PRKAG2: variants seen among roughly 807,000 people sequenced by gnomAD.
PRKAG2 encodes the protein 5'-AMP-activated protein kinase subunit gamma-2.
In PRKAG2, 26 loss-of-function variants were observed where a neutral mutation model predicts 69.6. That is an observed-to-expected ratio of 0.37 (90% CI 0.27 to 0.52). The LOEUF (loss-of-function observed/expected upper bound fraction) is 0.52. PRKAG2 is among the 20% of genes least tolerant of loss of function. The pLI, the probability that PRKAG2 is intolerant of heterozygous loss-of-function variation, is 0.90. For synonymous variants in PRKAG2, 293 were observed against 285.0 expected (o/e 1.03, Z -0.28); for missense variants, 557 against 740.0 (o/e 0.75, Z 2.87).
At chr7:151,733,573 G>A (rs796111116) in intron 3 of PRKAG2, among the ~76,000 whole-genome samples, 27 of 152,264 alleles carry the variant, frequency 1.8e-4, no homozygotes, top group African/African-American at 6.5e-4. Context: ...TTCTACAGTA[G>A]ATAAGTGTTT....
chr7:151,661,552 T>C (rs1289592277), intron 4 of PRKAG2, among the ~76,000 whole-genome samples: 2 of 152,182 alleles, frequency 1.3e-5, no homozygotes, highest in Non-Finnish European at 2.9e-5. Flanking sequence ...GAACCACCTG[T>C]TTCAATTTCC....
At chr7:151,656,045 A>G (rs1330379609) in intron 4 of PRKAG2, among the ~76,000 whole-genome samples, 1 of 152,236 alleles carries the variant, frequency 6.6e-6, no homozygotes, top group Non-Finnish European at 1.5e-5. Context: ...TTATCAGTAA[A>G]CAAAAACTCA....
rs982598905 is a variant in PRKAG2, at chr7:151,675,637, G to A, written c.467C>T (p.Thr156Ile). Residue 156 changes from threonine to isoleucine, a missense_variant and splice_region_variant, in exon 4 of 16, where the codon ACC becomes ATC. Coordinates refer to ENST00000287878, the MANE Select transcript of PRKAG2 (RefSeq NM_016203.4). ...GIRFFSRSRKTSGLSSSPSTP... is the reference protein window; with the variant it reads ...GIRFFSRSRKISGLSSSPSTP... Reference sequence around the variant, plus strand: ...TGACGGAGAGGAGGAGAGGCCGGAGGCTGCAGAAGAAACACCAAGGACGGT... The same window carrying A: ...TGACGGAGAGGAGGAGAGGCCGGAGACTGCAGAAGAAACACCAAGGACGGT... The A allele has an allele frequency of 6.2e-7, 1 of 1,612,330 alleles. No homozygotes were observed. Among genetic ancestry groups the A allele is most frequent in the African/African-American group, 1.3e-5 (1 of 74,978 alleles).
At chr7:151,649,682 C>T (rs943324086) in intron 4 of PRKAG2, among the ~76,000 whole-genome samples, 2 of 152,110 alleles carry the variant, frequency 1.3e-5, no homozygotes, top group African/African-American at 4.8e-5. Context: ...GCTGGTTGTT[C>T]AAAAGCATGC....
At chr7:151,640,478 T>TA (rs1313146784) in intron 4 of PRKAG2, among the ~76,000 whole-genome samples, 1 of 152,142 alleles carries the variant, frequency 6.6e-6, no homozygotes, top group Admixed American at 6.5e-5. Context: ...ACCTAAACCT[T>TA]AAGGCATTGT....
intron 1 of PRKAG2, among the ~76,000 whole-genome samples, chr7:151,796,688 G>A (rs895342345): frequency 3.3e-5 from 5 of 152,100 alleles, no homozygotes; most frequent in African/African-American, 1.2e-4. Flanking sequence ...CTCCTCCCAG[G>A]GCTGGATTCC....
At position 151,563,282 on chromosome 7, in the gene PRKAG2, G is replaced by A. The variant is rs539972999; in HGVS notation, c.1584+796C>T. ...TTGTGAAGGAATTTTCTTTTTAGGC[G>A]GAGTCTTTTATTTAGGGTGTTACAC... is the stretch of plus-strand genomic sequence containing the variant. On this transcript the variant is annotated intron_variant, in intron 14 of 15. Transcript: ENST00000287878. Among the ~76,000 whole-genome samples, 129 of 152,132 alleles carry A rather than the reference G, an allele frequency of 8.5e-4. 4 individuals carry two copies. Among genetic ancestry groups the A allele is most frequent in the Admixed American group, 7.5e-3 (115 of 15,268 alleles).
At chr7:151,685,312 A>C (rs957495676) in intron 3 of PRKAG2, among the ~76,000 whole-genome samples, 4 of 152,094 alleles carry the variant, frequency 2.6e-5, no homozygotes, top group Non-Finnish European at 5.9e-5. Context: ...CACCCCACCA[A>C]CACCCCTATC....
intron 1 of PRKAG2, among the ~76,000 whole-genome samples, chr7:151,841,420 A>G (rs897577363): frequency 2.7e-5 from 4 of 147,644 alleles, no homozygotes; most frequent in African/African-American, 9.9e-5. Flanking sequence ...TAGTGATGGT[A>G]GGTAGGGATG....
intron 4 of PRKAG2, among the ~76,000 whole-genome samples, chr7:151,655,209 G>A (rs1360946931): frequency 4.6e-5 from 7 of 152,268 alleles, no homozygotes; most frequent in South Asian, 4.1e-4. Flanking sequence ...GAAAGGGTAC[G>A]CCATCTCTGG....
At chr7:151,813,974 C>T (rs548869757) in intron 1 of PRKAG2, among the ~76,000 whole-genome samples, 22 of 152,244 alleles carry the variant, frequency 1.4e-4, no homozygotes, top group African/African-American at 4.6e-4. Context: ...AAGGGCAAGG[C>T]CAGGCAAAGA....
At chr7:151,783,187 G>T (rs552096384) in intron 2 of PRKAG2, among the ~76,000 whole-genome samples, 69 of 152,356 alleles carry the variant, frequency 4.5e-4, no homozygotes, top group Non-Finnish European at 7.9e-4. Flanking sequence ...TCCCCGCGCG[G>T]CCTCTCCAGC....
chr7:151,726,072 G>T (rs575116467), intron 3 of PRKAG2, among the ~76,000 whole-genome samples: 2 of 152,046 alleles, frequency 1.3e-5, no homozygotes, highest in African/African-American at 2.4e-5. Flanking sequence ...CTCAGAGATG[G>T]TGCTCCCTCT....
intron 5 of PRKAG2, among the ~76,000 whole-genome samples, chr7:151,612,857 A>G (rs1353212811): frequency 6.6e-6 from 1 of 152,224 alleles, no homozygotes. Flanking sequence ...GGAAGGAGAG[A>G]GTTTCAGGTA....
chr7:151,748,173 G>A (rs761378907), intron 3 of PRKAG2, among the ~76,000 whole-genome samples: 12 of 152,018 alleles, frequency 7.9e-5, no homozygotes, highest in Non-Finnish European at 1.5e-4. Context: ...CGCCCACCTC[G>A]GCCTCCCTAA....
intron 3 of PRKAG2, among the ~76,000 whole-genome samples, chr7:151,762,601 CTG>C (rs1398559893): frequency 2.0e-5 from 3 of 152,198 alleles, no homozygotes; most frequent in African/African-American, 7.2e-5. Context: ...CAAGCATCCT[CTG>C]TGTTTGGGGC....
At chr7:151,715,281 G>C (rs1290541303) in intron 3 of PRKAG2, among the ~76,000 whole-genome samples, 2 of 129,570 alleles carry the variant, frequency 1.5e-5, no homozygotes, top group African/African-American at 6.2e-5. Flanking sequence ...CTCCCAAAGT[G>C]CTGGGATTAC....
rs778401375 is a variant in PRKAG2 at position 151,716,667 on chromosome 7, A to G, written c.467-41030T>C. Among the ~76,000 whole-genome samples, 37 of 152,160 alleles carry G rather than the reference A, an allele frequency of 2.4e-4. 1 individual carries two copies. Among genetic ancestry groups the G allele is most frequent in the South Asian group, 8.4e-4 (4 of 4,778 alleles). On this transcript the variant is annotated intron_variant, in intron 3 of 15. Coordinates refer to ENST00000287878, the MANE Select transcript of PRKAG2 (RefSeq NM_016203.4). The stretch of plus-strand genomic sequence containing the variant: ...GGAAACTGAGGCTTAGACATAATCA[A>G]CCTAAGAATGGGACTTCATATAAAC...
intron 3 of PRKAG2, among the ~76,000 whole-genome samples, chr7:151,694,879 C>G (rs1836332379): frequency 6.6e-6 from 1 of 152,244 alleles, no homozygotes; most frequent in Admixed American, 6.5e-5. Context: ...ACATCCGATG[C>G]AAACACCGCA....
Sources: gnomAD v4.1 joint callset for allele counts (sites outside exome capture counted in the v4.1 genomes callset) on GRCh38, gnomAD v4.1.1 for gene constraint, MANE v1.5 for transcripts, NCBI Gene and HGNC (gene_info 2026-07-23, HGNC 2026-07-21) for gene names.